PRRC2C: variants seen among roughly 807,000 people sequenced by gnomAD.
PRRC2C encodes protein PRRC2C.
PRRC2C carries 72 observed loss-of-function variants against 317.2 expected under a neutral mutation model. The ratio of observed to expected loss-of-function variants is 0.23; its 90% CI spans 0.19 to 0.28. PRRC2C has a LOEUF of 0.28. Ranked by LOEUF, PRRC2C falls within the 10% of genes least tolerant of loss-of-function variation. PRRC2C has a pLI of 1.00. For synonymous variants in PRRC2C, 1,296 were observed against 1,205.9 expected (o/e 1.07, Z -1.55); for missense variants, 3,074 against 3,459.7 (o/e 0.89, Z 2.80).
Position 171,485,542 on chromosome 1 carries a change from C to A in PRRC2C, c.-251C>A, listed in dbSNP as rs994322690. The A allele has an allele frequency of 6.5e-6, 1 of 152,704 alleles. No individual in the cohort carries two copies. The highest frequency in any genetic ancestry group is 6.5e-5 in the Admixed American group (1 of 15,288). The allele number at this position is 152,704 out of a possible 1,614,324, so 9.5% of individuals were successfully genotyped here. ...GGGCTGGCTAGCCGCCATCTTGCTTCTTTTTCTCGCTCGCTCGCTCCCCCT... is the reference window on the plus strand; with the variant it reads ...GGGCTGGCTAGCCGCCATCTTGCTTATTTTTCTCGCTCGCTCGCTCCCCCT... On this transcript the variant is annotated 5_prime_UTR_variant, in exon 1 of 35. Coordinates refer to ENST00000647382, the MANE Select transcript of PRRC2C (RefSeq NM_001387844.1).
At chr1:171,577,909 C>T (rs1299617238) in intron 26 of PRRC2C, among the ~76,000 whole-genome samples, 1 of 148,584 alleles carries the variant, frequency 6.7e-6, no homozygotes, top group Non-Finnish European at 1.5e-5. Flanking sequence ...TCCCAAGTAG[C>T]TGGGGCCACA....
intron 1 of PRRC2C, among the ~76,000 whole-genome samples, chr1:171,508,801 T>G (rs1670740009): frequency 6.6e-6 from 1 of 152,248 alleles, no homozygotes; most frequent in South Asian, 2.1e-4. Context: ...GCTGCTTTGA[T>G]TTGTTGAGTT....
Position 171,554,404 on chromosome 1 carries a change from G to C in PRRC2C, c.5128-2836G>C, listed in dbSNP as rs149144650. On this transcript the variant is annotated intron_variant, in intron 18 of 34. Coordinates refer to ENST00000647382, the MANE Select transcript of PRRC2C (RefSeq NM_001387844.1). The stretch of plus-strand genomic sequence containing the variant: ...TCTCCTGAATACAGCACATTGATGA[G>C]TCTTGACTCTTTATCCAATTTGCCA... Among the ~76,000 whole-genome samples, 733 of 152,294 alleles carry C rather than the reference G, an allele frequency of 4.8e-3. 4 individuals are homozygous for C. The highest frequency in any genetic ancestry group is 0.016 in the African/African-American group (682 of 41,560).
chr1:171,571,140 T>G (rs1362958700), intron 23 of PRRC2C, among the ~76,000 whole-genome samples, 180 bp from the exon 24 acceptor site: 1 of 152,218 alleles, frequency 6.6e-6, no homozygotes, highest in African/African-American at 2.4e-5. Context: ...AGAAGTTTTA[T>G]CTGAGGTATC....
chr1:171,515,200 C>A (rs1248954116), intron 4 of PRRC2C, among the ~76,000 whole-genome samples: 1 of 152,186 alleles, frequency 6.6e-6, no homozygotes, highest in Non-Finnish European at 1.5e-5. Context: ...GCTAACAAAA[C>A]TAGCTGTTTT....
intron 20 of PRRC2C, among the ~76,000 whole-genome samples, chr1:171,563,041 T>C (rs1046781562): frequency 5.9e-5 from 9 of 152,172 alleles, no homozygotes; most frequent in African/African-American, 9.7e-5. Context: ...TCAAGTAATA[T>C]AGGTGTTCAA....
intron 30 of PRRC2C, among the ~76,000 whole-genome samples, 171 bp from the exon 31 acceptor site, chr1:171,586,832 C>T (rs112106467): frequency 0.044 from 6,697 of 151,460 alleles, 452 homozygotes; most frequent in African/African-American, 0.15. Context: ...GTGATCTGCC[C>T]GCCTTGGCCT....
chr1:171,524,051 A>T (rs1214052388), intron 9 of PRRC2C, among the ~76,000 whole-genome samples: 1 of 151,638 alleles, frequency 6.6e-6, no homozygotes, highest in Non-Finnish European at 1.5e-5. Context: ...AAAAAAAGAT[A>T]TTTAGATGCT....
At position 171,568,249 on chromosome 1, in the gene PRRC2C, G is replaced by C. The variant is rs1222907359; in HGVS notation, c.6561G>C (p.Glu2187Asp). The C allele has an allele frequency of 1.2e-6, 2 of 1,604,484 alleles. No homozygotes were observed. Among genetic ancestry groups the C allele is most frequent in the Middle Eastern group, 1.7e-4 (1 of 6,036 alleles). The change falls in exon 23 of 35, where the codon GAG becomes GAC. Residue 2187 changes from glutamate to aspartate, a missense_variant and splice_region_variant. Transcript: ENST00000647382. ...TTTTTTCTATTACTACTTCACAGGA[G>C]TCTGTAACAGACTATACTACACCCT... ...SSAEYGTNAKESVTDYTTPSS... is the reference protein window; with the variant it reads ...SSAEYGTNAKDSVTDYTTPSS...
chr1:171,564,130 A>G (rs898764325), intron 20 of PRRC2C, among the ~76,000 whole-genome samples: 36 of 152,188 alleles, frequency 2.4e-4, no homozygotes, highest in African/African-American at 6.8e-4. Flanking sequence ...CAAAGTTGAC[A>G]TTTCATAGGA....
At chr1:171,528,165 A>C (rs1675014574) in intron 11 of PRRC2C, among the ~76,000 whole-genome samples, 1 of 151,948 alleles carries the variant, frequency 6.6e-6, no homozygotes, top group South Asian at 2.1e-4. Flanking sequence ...TCCACTTATG[A>C]TAATGTTATC....
In PRRC2C at chr1:171,542,009, G is replaced by T; in HGVS notation, c.4543G>T (p.Glu1515Ter). 6.5e-7 allele frequency: 1 copy of T among 1,540,732 alleles called. No homozygotes were observed. Among genetic ancestry groups the T allele is most frequent in the South Asian group, 1.2e-5 (1 of 85,156 alleles). Residue 1515 changes from glutamate to a stop codon, truncating the protein, a stop_gained, in exon 16 of 35, where the codon GAA (glutamate) becomes TAA (stop). Transcript: ENST00000647382. LOFTEE classifies it high-confidence loss of function. ...SDFNERRERD[E>*]KKNADLNAQT... ...TTTCAATGAGAGGCGAGAGAGGGAT[G>T]AAAAAAAAAATGCTGACTTGAATGC...
In PRRC2C at chr1:171,511,101, T is replaced by A. The variant is rs1162158006; in HGVS notation, c.-57-931T>A. The A allele has an allele frequency of 2.0e-5, 3 of 152,178 alleles. No individual in the cohort carries two copies. In the East Asian group the frequency reaches 5.8e-4, roughly 29 times the overall value. The allele number at this position is 152,178 out of a possible 1,614,324, so 9.4% of individuals were successfully genotyped here. A position where few individuals can be genotyped will look rare whatever the true frequency, so the allele number is the denominator to read the frequency against. On this transcript the variant is annotated intron_variant, in intron 1 of 34. Transcript: ENST00000647382. ...TGGTATACCTATTCTATACTATCTTTGGCTCCTGTGTTTCAGTTCTCAATG... is the reference window on the plus strand; with the variant it reads ...TGGTATACCTATTCTATACTATCTTAGGCTCCTGTGTTTCAGTTCTCAATG...
chr1:171,550,187 C>G lies in PRRC2C; in HGVS notation c.5074C>G (p.Gln1692Glu). The G allele has an allele frequency of 6.2e-7, 1 of 1,606,492 alleles. No individual in the cohort carries two copies. The highest frequency in any genetic ancestry group is 8.5e-7 in the Non-Finnish European group (1 of 1,176,142). The change falls in exon 18 of 35, where the codon CAA becomes GAA. Residue 1692 changes from glutamine (Q) to glutamate (E), a missense_variant. Transcript: ENST00000647382. The part of the protein sequence containing the change: ...GFTEVVSKKQ[Q>E]KRLQDEERRK... ...TACTGAAGTGGTATCCAAAAAACAA[C>G]AAAAACGTTTACAGGATGAAGAACG...
Position 171,540,182 on chromosome 1 carries a change from T to G in PRRC2C, c.2716T>G (p.Leu906Val), listed in dbSNP as rs1186336076. 3 of 1,613,872 alleles carry G rather than the reference T, an allele frequency of 1.9e-6. No homozygotes were observed. The highest frequency in any genetic ancestry group is 1.7e-5 in the Admixed American group (1 of 59,996). The change falls in exon 16 of 35, where the codon TTA (leucine) becomes GTA (valine). Residue 906 changes from leucine (L) to valine (V), a missense_variant. By Grantham distance (32) the Leu-to-Val change is conservative. Around this residue, in one of 11 missense-constraint regions of PRRC2C, gnomAD observed 1,320 missense variants for 1,395.7 expected, o/e 0.95. Coordinates refer to ENST00000647382, the MANE Select transcript of PRRC2C (RefSeq NM_001387844.1). The part of the protein sequence containing the change: ...ACFEAPDQKT[L>V]SAPQEERISA... ...TTTTGAAGCACCTGATCAAAAGACC[T>G]TATCCGCTCCTCAAGAGGAGCGGAT...
chr1:171,560,920 A>C, intron 19 of PRRC2C, 98 bp from the exon 20 acceptor site: 1 of 935,570 alleles, frequency 1.1e-6, no homozygotes, highest in South Asian at 1.3e-5. Context: ...CCTGGCTAGT[A>C]ATAGCTACAC....
intron 23 of PRRC2C, among the ~76,000 whole-genome samples, chr1:171,570,487 G>A (rs1684598084): frequency 6.6e-6 from 1 of 152,092 alleles, no homozygotes; most frequent in South Asian, 2.1e-4. Flanking sequence ...CAACATGTAT[G>A]AAAGAATCTC....
At position 171,558,003 on chromosome 1, in the gene PRRC2C, C is replaced by T. The variant is rs1681780532; in HGVS notation, c.5891C>T (p.Ser1964Leu). ...KQPPPSIRLP[S>L]AQTPNGTDYV... The stretch of plus-strand genomic sequence containing the variant: ...CCACCACCATCAATTAGGCTGCCTT[C>T]AGCTCAAACACCTAATGGCACAGAT... Residue 1964 changes from serine to leucine, a missense_variant, in exon 19 of 35, where the codon TCA becomes TTA. By Grantham distance (145) the Ser-to-Leu change is moderately radical (BLOSUM62 -2). Transcript: ENST00000647382. The T allele has an allele frequency of 2.1e-5, 34 of 1,613,866 alleles. No homozygotes were observed. The highest frequency in any genetic ancestry group is 2.8e-5 in the Non-Finnish European group (33 of 1,179,908).
chr1:171,545,740 T>TTG, intron 17 of PRRC2C, 53 bp downstream of exon 17: 1 of 874,480 alleles, frequency 1.1e-6, no homozygotes. Context: ...TTTATTTATT[T>TTG]ATTTATTTGC....
Sources: allele counts gnomAD v4.1 joint callset (sites outside exome capture counted in the v4.1 genomes callset), GRCh38; gene constraint gnomAD v4.1.1; regional missense constraint gnomAD v4.1.1; transcripts MANE v1.5; gene names NCBI Gene and HGNC (gene_info 2026-07-23, HGNC 2026-07-21).